The following EIF3A variants were observed in gnomAD, a reference collection of about 807,000 sequenced individuals.
EIF3A encodes the protein EIF3, p180 subunit.
A neutral mutation model predicts 186.6 loss-of-function variants in EIF3A; 21 were observed. The observed-to-expected ratio is 0.11, with a 90% CI of 0.08 to 0.16. The LOEUF is 0.16. Among genes scored for constraint, EIF3A ranks in the 10% least tolerant of loss-of-function variants. The pLI is 1.00. For synonymous variants in EIF3A, 563 were observed against 584.3 expected (o/e 0.96, Z 0.52); for missense variants, 1,306 against 1,796.3 (o/e 0.73, Z 4.93).
Position 119,049,610 on chromosome 10 carries a change from G to GT in EIF3A, c.2658+190_2658+191insA. Among the ~76,000 whole-genome samples the GT allele has an allele frequency of 2.0e-5, 3 of 151,902 alleles. No individual in the cohort carries two copies. In the Middle Eastern group the frequency reaches 0.01, roughly 520 times the overall value. ...ACATCACAATTACAAAAATCAGCCA[G>GT]GCATGGTGGTATGCACCTGTAATCT... On this transcript the variant is annotated intron_variant, in intron 17 of 21. Transcript: ENST00000369144.
At chr10:119,071,412 G>A (rs959912745) in intron 4 of EIF3A, among the ~76,000 whole-genome samples, 1 of 152,082 alleles carries the variant, frequency 6.6e-6, no homozygotes, top group South Asian at 2.1e-4. Flanking sequence ...AAAAAATCTA[G>A]TATGAAATAT....
At chr10:119,067,945 G>A (rs898931754) in intron 6 of EIF3A, among the ~76,000 whole-genome samples, 7 of 152,034 alleles carry the variant, frequency 4.6e-5, no homozygotes, top group African/African-American at 1.7e-4. Context: ...CGAGTAGCTG[G>A]GATTACAGGC....
At chr10:119,079,677 G>C (rs920528134) in intron 1 of EIF3A, among the ~76,000 whole-genome samples, 1 of 152,158 alleles carries the variant, frequency 6.6e-6, no homozygotes, top group African/African-American at 2.4e-5. Flanking sequence ...AAATGCCTTG[G>C]AGAGATCGGG....
At chr10:119,059,418 A>G (rs1221375523) in intron 10 of EIF3A, 21 bp from the exon 11 acceptor site, 18 of 1,515,798 alleles carry the variant, frequency 1.2e-5, no homozygotes, top group Admixed American at 4.2e-5. Flanking sequence ...TAAATTATCA[A>G]TGGTTAAATC....
chr10:119,049,765 T>A (rs1031888238), intron 17 of EIF3A, 36 bp downstream of exon 17: 1 of 1,572,096 alleles, frequency 6.4e-7, no homozygotes, highest in East Asian at 2.2e-5. Context: ...AAAAGTCACA[T>A]TAAAACAAAA....
chr10:119,050,488 T>C, intron 16 of EIF3A, 33 bp downstream of exon 16: 1 of 1,599,412 alleles, frequency 6.3e-7, no homozygotes, highest in Non-Finnish European at 8.5e-7. Flanking sequence ...AACCTTGCAT[T>C]AGCACCCCTC....
intron 17 of EIF3A, 139 bp downstream of exon 17, chr10:119,049,662 G>T: frequency 1.4e-6 from 1 of 697,222 alleles, no homozygotes; most frequent in Non-Finnish European, 2.4e-6. Context: ...TGAGACACGA[G>T]AATCACTTGA....
At position 119,042,142 on chromosome 10, in the gene EIF3A, G is replaced by A; in HGVS notation, c.3378C>T (p.Asp1126=). Residue 1126 remains aspartate (D), a synonymous_variant, in exon 19 of 22, where the codon GAC becomes GAT. Transcript: ENST00000369144. This position sits in a 1 kb window ranked among gnomAD's most constrained non-coding sequence, Gnocchi z 7.8. ...CCTCTGCACCACGCCTGGGAATTCT[G>A]TCATCATCGGCGTTCCTCCAAGGTC... ...DRGPWRNADD[D]RIPRRGAEDD... is the part of the protein sequence containing the mutation. The A allele has an allele frequency of 6.2e-7, 1 of 1,614,124 alleles. No homozygotes were observed. The highest frequency in any genetic ancestry group is 8.5e-7 in the Non-Finnish European group (1 of 1,180,020).
At chr10:119,077,997 C>T (rs765123606) in intron 1 of EIF3A, among the ~76,000 whole-genome samples, 2 of 152,026 alleles carry the variant, frequency 1.3e-5, no homozygotes, top group African/African-American at 2.4e-5. Context: ...AATTATAAAC[C>T]TTACTGGATG....
rs1844250045 is a variant in EIF3A, at chr10:119,080,616, T to C, written c.49+12A>G. ...GCCGCCCCAGCCCGGCGCGCCCCGA[T>C]CAGCTACTCACCGTTGGCGCGTTTG... On this transcript the variant is annotated intron_variant, in intron 1 of 21. Transcript: ENST00000369144. 1.3e-6 allele frequency: 2 copies of C among 1,581,080 alleles called. No homozygotes were observed. The highest frequency in any genetic ancestry group is 1.7e-6 in the Non-Finnish European group (2 of 1,166,264).
chr10:119,079,197 T>A (rs1044864759), intron 1 of EIF3A, among the ~76,000 whole-genome samples: 15 of 152,216 alleles, frequency 9.9e-5, no homozygotes, highest in African/African-American at 3.6e-4. Context: ...TCACTGGTTA[T>A]CATTAGAATG....
At chr10:119,040,704 C>A (rs924026954) in intron 19 of EIF3A, among the ~76,000 whole-genome samples, 1 of 152,010 alleles carries the variant, frequency 6.6e-6, no homozygotes. Context: ...AACCCCATCT[C>A]TATTAAAAAT....
chr10:119,042,561 G>A lies in EIF3A; in HGVS notation c.2959C>T (p.Pro987Ser), dbSNP rs773122822. The change falls in exon 19 of 22, where the codon CCT becomes TCT. Residue 987 changes from proline to serine, a missense_variant. Physicochemically the swap from Pro to Ser is moderately conservative, Grantham distance 74. Around this residue, in one of 8 missense-constraint regions of EIF3A, gnomAD observed 410 missense variants for 473.5 expected, o/e 0.87. Transcript: ENST00000369144. This position sits in a 1 kb window ranked among gnomAD's most constrained non-coding sequence, Gnocchi z 7.8. The stretch of plus-strand genomic sequence containing the variant: ...TCATCATCTGTGTTACGCCAGGAAG[G>A]CCGGTCATCGTCTGCCCCACGACGA... ...FSRRGADDDR[P>S]SWRNTDDDRP... 1.9e-6 allele frequency: 3 copies of A among 1,614,016 alleles called. No individual in the cohort carries two copies. The highest frequency in any genetic ancestry group is 2.5e-6 in the Non-Finnish European group (3 of 1,180,022).
At chr10:119,046,287 A>C (rs576081880) in intron 17 of EIF3A, among the ~76,000 whole-genome samples, 1 of 152,360 alleles carries the variant, frequency 6.6e-6, no homozygotes, top group Admixed American at 6.5e-5. Flanking sequence ...GGTCTCTATT[A>C]TTTCTGAAAA....
At chr10:119,079,642 T>C (rs1338154584) in intron 1 of EIF3A, among the ~76,000 whole-genome samples, 2 of 151,538 alleles carry the variant, frequency 1.3e-5, no homozygotes, top group East Asian at 1.9e-4. Context: ...CAAGAACATG[T>C]GCATCCCCAG....
chr10:119,060,701 T>C (rs1843870550), intron 9 of EIF3A, 45 bp downstream of exon 9: 8 of 1,455,564 alleles, frequency 5.5e-6, no homozygotes, highest in Non-Finnish European at 5.6e-6. Context: ...AGTTTCATGA[T>C]GAGCACATAA....
intron 9 of EIF3A, 85 bp from the exon 10 acceptor site, chr10:119,059,803 T>A: frequency 1.1e-6 from 1 of 890,430 alleles, no homozygotes. Context: ...TCATGGGAAG[T>A]AGAAATTATG....
At chr10:119,048,491 T>C (rs1848311159) in intron 17 of EIF3A, among the ~76,000 whole-genome samples, 1 of 152,110 alleles carries the variant, frequency 6.6e-6, no homozygotes, top group Admixed American at 6.6e-5. Context: ...CATTTAGAGC[T>C]GAGTTTGAAT....
chr10:119,051,790 G>C (rs1848359831), intron 14 of EIF3A, among the ~76,000 whole-genome samples: 1 of 152,166 alleles, frequency 6.6e-6, no homozygotes, highest in Non-Finnish European at 1.5e-5. Context: ...AGATGCAGTA[G>C]TACGCTGAGG....
Sources: allele counts gnomAD v4.1 joint callset (sites outside exome capture counted in the v4.1 genomes callset), GRCh38; gene constraint gnomAD v4.1.1; regional missense constraint gnomAD v4.1.1; non-coding constraint Gnocchi (gnomAD v3.1); transcripts MANE v1.5; gene names NCBI Gene and HGNC (gene_info 2026-07-23, HGNC 2026-07-21).